GATA3: variants seen among roughly 807,000 people sequenced by gnomAD.
The protein encoded by GATA3 is trans-acting T-cell-specific transcription factor GATA-3.
GATA3 carries 6 observed loss-of-function variants against 36.0 expected under a neutral mutation model. That is an observed-to-expected ratio of 0.17 (90% CI 0.09 to 0.33). The LOEUF is 0.33. GATA3 is among the 10% of genes least tolerant of loss of function. The pLI is 1.00. For missense variants in GATA3, 514 were observed against 610.1 expected (o/e 0.84, Z 1.66); for synonymous variants, 326 against 273.0 (o/e 1.19, Z -1.92).
intron 3 of GATA3, among the ~76,000 whole-genome samples, chr10:8,061,342 C>T (rs532202243): frequency 3.3e-5 from 5 of 152,306 alleles, no homozygotes; most frequent in East Asian, 3.9e-4. Context: ...GTCATCTGAT[C>T]GAGCTCCTGC....
Position 8,055,670 on chromosome 10 carries a change from G to T in GATA3, c.15G>T (p.Ala5=). ...CAGCCGAGGCCATGGAGGTGACGGC[G>T]GACCAGCCGCGCTGGGTGAGCCACC... is the stretch of plus-strand genomic sequence containing the variant. MEVT[A]DQPRWVSHHH... is the part of the protein sequence containing the mutation. Residue 5 remains alanine, a synonymous_variant, in exon 2 of 6, where the codon GCG becomes GCT. Coordinates refer to ENST00000379328, the MANE Select transcript of GATA3 (RefSeq NM_001002295.2). This position sits in a 1 kb window ranked among gnomAD's most constrained non-coding sequence, Gnocchi z 5.4. 6.4e-7 allele frequency: 1 copy of T among 1,557,118 alleles called. No homozygotes were observed. Among genetic ancestry groups the T allele is most frequent in the East Asian group, 2.4e-5 (1 of 41,440 alleles).
In GATA3 at chr10:8,066,654, G is replaced by A. The variant is rs556721568; in HGVS notation, c.924+2516G>A. 4.6e-5 allele frequency among the ~76,000 whole-genome samples: 7 copies of A among 152,256 alleles called. No homozygotes were observed. In the South Asian group the frequency reaches 1.5e-3, roughly 32 times the overall value. On this transcript the variant is annotated intron_variant, in intron 4 of 5. Coordinates refer to ENST00000379328, the MANE Select transcript of GATA3 (RefSeq NM_001002295.2). The stretch of plus-strand genomic sequence containing the variant: ...TGTATTTAACCCTGAAAAAACTAAT[G>A]CAAGAAATAGGAGAGATGACCGAAG...
chr10:8,051,509 TGCGGCG>T, upstream of GATA3: 1 of 157,202 alleles, frequency 6.4e-6, no homozygotes, highest in Non-Finnish European at 1.4e-5. Flanking sequence ...CCCCGGGCCC[TGCGGCG>T]GCGGCGGCGG....
At chr10:8,065,537 A>G (rs990154058) in intron 4 of GATA3, among the ~76,000 whole-genome samples, 16 of 151,892 alleles carry the variant, frequency 1.1e-4, no homozygotes, top group Non-Finnish European at 2.2e-4. Context: ...GATTACAGGC[A>G]TGAGCCACCG....
Position 8,055,520 on chromosome 10 carries a change from C to A in GATA3, c.-136C>A. 1 of 959,322 alleles carries A rather than the reference C, an allele frequency of 1.0e-6. No homozygotes were observed. Among genetic ancestry groups the A allele is most frequent in the South Asian group, 1.6e-5 (1 of 61,884 alleles). 59.4% of individuals were successfully genotyped at this position (959,322 alleles called of 1,614,324 possible). On this transcript the variant is annotated 5_prime_UTR_variant, in exon 2 of 6. Coordinates refer to ENST00000379328, the MANE Select transcript of GATA3 (RefSeq NM_001002295.2). This position sits in a 1 kb window ranked among gnomAD's most constrained non-coding sequence, Gnocchi z 5.4. ...ACCTTTGCTTCCCAGCCTTCCCATC[C>A]CCCCACCGAAAGCAAATCATTCAAC...
rs987472805 is a variant in GATA3 at position 8,058,600 on chromosome 10, C to A, written c.537C>A (p.Asp179Glu). ...TPGSAGSARQ[D>E]EKECLKYQVP... Reference sequence around the variant, plus strand: ...GCTCGGCCGGCTCGGCCCGGCAGGACGAGAAAGAGTGCCTCAAGTACCAGG... The same window carrying A: ...GCTCGGCCGGCTCGGCCCGGCAGGAAGAGAAAGAGTGCCTCAAGTACCAGG... The change falls in exon 3 of 6, where the codon GAC (aspartate) becomes GAA (glutamate). Residue 179 changes from aspartate to glutamate, a missense_variant. Coordinates refer to ENST00000379328, the MANE Select transcript of GATA3 (RefSeq NM_001002295.2). 2.5e-6 allele frequency: 4 copies of A among 1,611,972 alleles called. No individual in the cohort carries two copies. Among genetic ancestry groups the A allele is most frequent in the Non-Finnish European group, 3.4e-6 (4 of 1,179,918 alleles).
At chr10:8,046,647 C>CTG (rs1564392141) in intron 1 of GATA3, among the ~76,000 whole-genome samples, 1 of 93,952 alleles carries the variant, frequency 1.1e-5, no homozygotes. Context: ...AAATGGCTGG[C>CTG]AGTGTGTGTG....
At chr10:8,060,625 G>T (rs997097681) in intron 3 of GATA3, among the ~76,000 whole-genome samples, 5 of 151,982 alleles carry the variant, frequency 3.3e-5, no homozygotes, top group Admixed American at 3.3e-4. Context: ...TTGTGCGGGG[G>T]GAGGGGACAG....
At chr10:8,046,124 G>T (rs1267520513) in intron 1 of GATA3, among the ~76,000 whole-genome samples, 1 of 152,190 alleles carries the variant, frequency 6.6e-6, no homozygotes, top group Non-Finnish European at 1.5e-5. Context: ...CCCAGAGGGT[G>T]CCCAGGGGCA....
intron 4 of GATA3, among the ~76,000 whole-genome samples, chr10:8,066,602 A>G (rs1442217545): frequency 6.6e-6 from 1 of 152,124 alleles, no homozygotes; most frequent in African/African-American, 2.4e-5. Context: ...CACCCAGCCC[A>G]TATATAGCTA....
chr10:8,063,977 G>A lies in GATA3; in HGVS notation c.779-16G>A, dbSNP rs2131500221. 1 of 1,614,180 alleles carries A rather than the reference G, an allele frequency of 6.2e-7. No homozygotes were observed. Among genetic ancestry groups the A allele is most frequent in the African/African-American group, 1.3e-5 (1 of 75,038 alleles). ...TTTTCCTTCCCTAAGTGGCTTATCTGTGCTTTTGTTTCCAGAAGGCAGGGA... is the reference window on the plus strand; with the variant it reads ...TTTTCCTTCCCTAAGTGGCTTATCTATGCTTTTGTTTCCAGAAGGCAGGGA... On this transcript the variant is annotated splice_polypyrimidine_tract_variant and intron_variant, in intron 3 of 5. Transcript: ENST00000379328.
chr10:8,065,389 C>T (rs1832819924), intron 4 of GATA3, among the ~76,000 whole-genome samples: 1 of 150,808 alleles, frequency 6.6e-6, no homozygotes, highest in Non-Finnish European at 1.5e-5. Flanking sequence ...TCCTGAATAG[C>T]TGGGAGTAGG....
chr10:8,051,843 A>T (rs1441728494), upstream of GATA3, among the ~76,000 whole-genome samples: 2 of 147,568 alleles, frequency 1.4e-5, no homozygotes, highest in Non-Finnish European at 3.0e-5. Flanking sequence ...CCTGGCCCGG[A>T]CCCCCGCAGC....
intron 2 of GATA3, among the ~76,000 whole-genome samples, chr10:8,057,540 CT>C (rs1832660877): frequency 6.6e-6 from 1 of 152,116 alleles, no homozygotes; most frequent in Admixed American, 6.5e-5. Context: ...TCTCCTTCTC[CT>C]TTAGGATTTG....
At chr10:8,062,150 A>G (rs2066671843) in intron 3 of GATA3, among the ~76,000 whole-genome samples, 1 of 152,062 alleles carries the variant, frequency 6.6e-6, no homozygotes, top group Non-Finnish European at 1.5e-5. Context: ...TTTGACCCCA[A>G]CTGAAAGGTG....
At chr10:8,064,518 TAG>T (rs1832804364) in intron 4 of GATA3, among the ~76,000 whole-genome samples, 1 of 152,164 alleles carries the variant, frequency 6.6e-6, no homozygotes, top group African/African-American at 2.4e-5. Context: ...GTTTGACAGA[TAG>T]AGACATTTAG....
chr10:8,071,083 T>C (rs560980989), intron 5 of GATA3, among the ~76,000 whole-genome samples: 1 of 152,358 alleles, frequency 6.6e-6, no homozygotes, highest in Admixed American at 6.5e-5. Flanking sequence ...CTGTAATTTA[T>C]GGATTTCAAA....
In GATA3 at chr10:8,073,968, C is replaced by G. The variant is rs2131522604; in HGVS notation, c.1280C>G (p.Ser427Cys). 6.2e-7 allele frequency: 1 copy of G among 1,614,154 alleles called. No individual in the cohort carries two copies. Among genetic ancestry groups the G allele is most frequent in the Non-Finnish European group, 8.5e-7 (1 of 1,180,022 alleles). The change falls in exon 6 of 6, where the codon TCC becomes TGC. Residue 427 changes from serine to cysteine, a missense_variant. Ser to Cys is a moderately radical substitution (Grantham distance 112, BLOSUM62 -1). Transcript: ENST00000379328. ...ACGCCCACGCCGATGCACCCGCCAT[C>G]CAGCCTGTCCTTTGGACCACACCAC... Reference protein sequence around the residue: ...LTTPTPMHPPSSLSFGPHHPS... With the variant: ...LTTPTPMHPPCSLSFGPHHPS...
At chr10:8,061,090 T>TCTCTCTCTCTTC (rs60684832) in intron 3 of GATA3, among the ~76,000 whole-genome samples, 2 of 86,742 alleles carry the variant, frequency 2.3e-5, no homozygotes, top group African/African-American at 7.0e-5. Flanking sequence ...TCTCTCTCTC[T>TCTCTCTCTCTTC]TTTTTACCCC....
Sources: allele counts gnomAD v4.1 joint callset (sites outside exome capture counted in the v4.1 genomes callset), GRCh38; gene constraint gnomAD v4.1.1; non-coding constraint Gnocchi (gnomAD v3.1); transcripts MANE v1.5; gene names NCBI Gene and HGNC (gene_info 2026-07-23, HGNC 2026-07-21).